Variants in LRMDA observed in about 807,000 individuals in gnomAD.
LRMDA encodes the protein leucine-rich melanocyte differentiation-associated protein.
In LRMDA, 18 loss-of-function variants were observed where a neutral mutation model predicts 29.8. The ratio of observed to expected loss-of-function variants is 0.60; its 90% CI spans 0.42 to 0.90. The LOEUF is 0.90. Ranked by LOEUF, LRMDA falls within the 40% of genes least tolerant of loss-of-function variation. The probability of loss-of-function intolerance (pLI) is 0.00; values close to 1 mark genes in which losing one functional copy is unlikely to be tolerated. For missense variants in LRMDA, 273 were observed against 273.9 expected, an observed-to-expected ratio of 1.00 and a Z score of 0.02; for synonymous variants, 125 against 109.4, an observed-to-expected ratio of 1.14 and a Z score of -0.89.
At chr10:76,035,297 CA>C (rs1446693384) in intron 2 of LRMDA, among the ~76,000 whole-genome samples, 2 of 151,800 alleles carry the variant, frequency 1.3e-5, no homozygotes, top group African/African-American at 2.4e-5. Flanking sequence ...CCACCCGCAG[CA>C]AAAACAAATA....
At chr10:76,501,985 G>A (rs1220093732) in intron 6 of LRMDA, among the ~76,000 whole-genome samples, 2 of 151,968 alleles carry the variant, frequency 1.3e-5, no homozygotes, top group African/African-American at 4.8e-5. Context: ...GATTTTTATA[G>A]TGTGAGGTCT....
intron 5 of LRMDA, among the ~76,000 whole-genome samples, chr10:76,181,395 G>T (rs373497205): frequency 2.0e-5 from 3 of 152,168 alleles, no homozygotes; most frequent in East Asian, 3.9e-4. Context: ...CCTCCTGAAG[G>T]TACCAACCAT....
intron 6 of LRMDA, among the ~76,000 whole-genome samples, chr10:76,543,724 C>T (rs188319981): frequency 3.9e-5 from 6 of 152,136 alleles, no homozygotes; most frequent in Non-Finnish European, 7.4e-5. Flanking sequence ...CTAGGGAGAA[C>T]GGATTGCTAC....
chr10:76,300,289 A>G (rs10762709), intron 5 of LRMDA, among the ~76,000 whole-genome samples: 23,250 of 152,178 alleles, frequency 0.15, 2,902 homozygotes, highest in African/African-American at 0.34. Context: ...TGAAATCAAG[A>G]AAAGTTGTGC....
intron 2 of LRMDA, among the ~76,000 whole-genome samples, chr10:75,900,217 C>T (rs1179298368): frequency 1.3e-5 from 2 of 152,186 alleles, no homozygotes; most frequent in African/African-American, 4.8e-5. Flanking sequence ...GTCATCCTGG[C>T]ATATTTGCAC....
At chr10:76,174,406 A>G (rs1850895232) in intron 5 of LRMDA, among the ~76,000 whole-genome samples, 1 of 152,202 alleles carries the variant, frequency 6.6e-6, no homozygotes, top group Non-Finnish European at 1.5e-5. Flanking sequence ...TGTAAGTCAG[A>G]TTCAATAATA....
At chr10:75,742,332 G>A (rs530558025) in intron 2 of LRMDA, among the ~76,000 whole-genome samples, 1 of 152,314 alleles carries the variant, frequency 6.6e-6, no homozygotes, top group South Asian at 2.1e-4. Context: ...TTCAGGAGAC[G>A]AAATGGTCAG....
intron 5 of LRMDA, among the ~76,000 whole-genome samples, chr10:76,146,794 A>G (rs1322489470): frequency 6.6e-6 from 1 of 152,094 alleles, no homozygotes; most frequent in East Asian, 1.9e-4. Flanking sequence ...TAGTCTTTAC[A>G]ATTTGGCATG....
At chr10:75,885,801 C>T (rs1260412939) in intron 2 of LRMDA, among the ~76,000 whole-genome samples, 1 of 152,236 alleles carries the variant, frequency 6.6e-6, no homozygotes, top group Non-Finnish European at 1.5e-5. Flanking sequence ...AAGCATAACA[C>T]ATGTGCCTAG....
At chr10:76,134,117 C>T (rs1046233003) in intron 5 of LRMDA, among the ~76,000 whole-genome samples, 1 of 152,182 alleles carries the variant, frequency 6.6e-6, no homozygotes, top group Admixed American at 6.5e-5. Flanking sequence ...TGCAGCTGAC[C>T]CTTTGCTTTA....
intron 2 of LRMDA, among the ~76,000 whole-genome samples, chr10:75,562,420 T>C (rs1469902331): frequency 6.6e-6 from 1 of 152,088 alleles, no homozygotes; most frequent in Non-Finnish European, 1.5e-5. Context: ...TGAGCCTATG[T>C]GTGTCTCTGC....
chr10:76,237,040 C>A (rs1346791020), intron 5 of LRMDA, among the ~76,000 whole-genome samples: 1 of 152,036 alleles, frequency 6.6e-6, no homozygotes, highest in Non-Finnish European at 1.5e-5. Context: ...TCCTTAAACT[C>A]CAGTCATTTT....
intron 2 of LRMDA, among the ~76,000 whole-genome samples, chr10:75,613,108 C>T (rs1841053325): frequency 8.4e-6 from 1 of 118,680 alleles, no homozygotes; most frequent in South Asian, 2.8e-4. Flanking sequence ...GACTTGAAAA[C>T]CTTGCCAATT....
intron 2 of LRMDA, among the ~76,000 whole-genome samples, chr10:75,705,967 C>T (rs1231192372): frequency 6.6e-6 from 1 of 152,174 alleles, no homozygotes; most frequent in Non-Finnish European, 1.5e-5. Context: ...CAACAGTGGT[C>T]TTTAATCTTG....
intron 2 of LRMDA, among the ~76,000 whole-genome samples, chr10:75,521,698 G>A (rs11001406): frequency 0.021 from 3,254 of 152,290 alleles, 51 homozygotes; most frequent in Non-Finnish European, 0.034. Context: ...GCTTTGGCTC[G>A]CCCTCCGTGG....
chr10:76,410,868 C>A (rs1443188413), intron 6 of LRMDA, among the ~76,000 whole-genome samples: 1 of 152,064 alleles, frequency 6.6e-6, no homozygotes, highest in African/African-American at 2.4e-5. Flanking sequence ...ATTGCTTGAA[C>A]CCTGGAGGCA....
At chr10:76,406,389 A>G (rs951554553) in intron 6 of LRMDA, among the ~76,000 whole-genome samples, 8 of 152,352 alleles carry the variant, frequency 5.3e-5, no homozygotes, top group South Asian at 2.1e-4. Context: ...GTATTTTCTT[A>G]TACTCTAAAT....
chr10:75,652,018 T>C (rs1462830239), intron 2 of LRMDA, among the ~76,000 whole-genome samples: 4 of 152,224 alleles, frequency 2.6e-5, no homozygotes, highest in Non-Finnish European at 5.9e-5. Flanking sequence ...AGGCCATGAA[T>C]TTAATTTCTC....
chr10:76,423,471 A>T (rs4746392), intron 6 of LRMDA, among the ~76,000 whole-genome samples: 152,334 of 152,374 alleles, frequency 1, 76,147 homozygotes, highest in Non-Finnish European at 1. Context: ...TTAACTTACC[A>T]TAGCCTTGAT....
Sources: allele counts gnomAD v4.1 joint callset (sites outside exome capture counted in the v4.1 genomes callset), GRCh38; gene constraint gnomAD v4.1.1; transcripts MANE v1.5; gene names NCBI Gene and HGNC (gene_info 2026-07-23, HGNC 2026-07-21).